Variants in TMEM132C observed in about 807,000 individuals in gnomAD.
TMEM132C encodes the protein transmembrane protein 132C.
Under a neutral mutation model 61.4 loss-of-function variants are expected in TMEM132C, and 29 were observed. The observed-to-expected ratio is 0.47, with a 90% confidence interval of 0.35 to 0.64. The LOEUF (loss-of-function observed/expected upper bound fraction) is 0.64, where lower values mean the gene tolerates loss of function less well. Ranked by LOEUF, TMEM132C falls within the 30% of genes least tolerant of loss-of-function variation. The probability of loss-of-function intolerance (pLI) is 0.00; values close to 1 mark genes in which losing one functional copy is unlikely to be tolerated. For missense variants in TMEM132C, 1,408 were observed against 1,476.9 expected (o/e 0.95, Z 0.76); for synonymous variants, 656 against 633.1 (o/e 1.04, Z -0.54).
At chr12:128,676,023 G>A (rs755040950) in intron 5 of TMEM132C, among the ~76,000 whole-genome samples, 5 of 152,112 alleles carry the variant, frequency 3.3e-5, no homozygotes, top group Non-Finnish European at 7.4e-5. Flanking sequence ...ATCAACTTCA[G>A]TTAATTTAAT....
At chr12:128,592,695 G>A (rs931327370) in intron 3 of TMEM132C, among the ~76,000 whole-genome samples, 1 of 152,254 alleles carries the variant, frequency 6.6e-6, no homozygotes, top group African/African-American at 2.4e-5. Context: ...GGGGACACGG[G>A]CTTAGGGGAT....
intron 4 of TMEM132C, among the ~76,000 whole-genome samples, chr12:128,624,618 C>G (rs954873426): frequency 1.3e-5 from 2 of 149,490 alleles, no homozygotes; most frequent in African/African-American, 2.5e-5. Flanking sequence ...ACTAACTGTA[C>G]TCAGAAACCT....
intron 3 of TMEM132C, among the ~76,000 whole-genome samples, chr12:128,604,647 TAGAC>T (rs1474122151): frequency 6.6e-5 from 10 of 151,752 alleles, no homozygotes; most frequent in Non-Finnish European, 2.9e-5. Context: ...AATAGATGGA[TAGAC>T]AGATGAAACA....
chr12:128,614,002 A>G (rs1876717269), intron 3 of TMEM132C, among the ~76,000 whole-genome samples: 1 of 152,172 alleles, frequency 6.6e-6, no homozygotes, highest in Admixed American at 6.5e-5. Flanking sequence ...CTTGCTGACC[A>G]CTGACCCACC....
rs766359491 is a variant in TMEM132C, at chr12:128,327,121, TTAA to T, written c.85+59636_85+59638del. Among the ~76,000 whole-genome samples, 14 of 150,020 alleles carry T rather than the reference TTAA, an allele frequency of 9.3e-5. 1 individual carries two copies. Among genetic ancestry groups the T allele is most frequent in the Non-Finnish European group, 1.6e-4 (11 of 68,038 alleles). On this transcript the variant is annotated intron_variant, in intron 1 of 8. Transcript: ENST00000435159. ...TTTACCAGACCCAGATGGAGTGATT[TTAA>T]TGGGGCAGGCAGCCCCTGTCTTCCT...
At chr12:128,319,193 A>G (rs1332796330) in intron 1 of TMEM132C, among the ~76,000 whole-genome samples, 9 of 152,220 alleles carry the variant, frequency 5.9e-5, no homozygotes, top group Admixed American at 3.3e-4. Context: ...GGTTGCCCTA[A>G]TAGAGAAGGA....
rs1016901966 is a variant in TMEM132C, at chr12:128,267,435, G to A, written c.33G>A (p.Ala11=). 5 of 1,248,932 alleles carry A rather than the reference G, an allele frequency of 4.0e-6. No homozygotes were observed. The highest frequency in any genetic ancestry group is 5.0e-6 in the Non-Finnish European group (5 of 998,024). 77.4% of individuals were successfully genotyped at this position (1,248,932 alleles called of 1,614,324 possible). The change falls in exon 1 of 9, where the codon GCG becomes GCA. Residue 11 remains alanine, a synonymous_variant. Coordinates refer to ENST00000435159, the MANE Select transcript of TMEM132C (RefSeq NM_001136103.3). The part of the protein sequence containing the change: MRSEGAAPGP[A]APLCGALSLL... ...CCGAGGGTGCGGCCCCCGGGCCGGC[G>A]GCGCCGCTGTGCGGGGCGCTGAGCC... is the stretch of plus-strand genomic sequence containing the variant.
At chr12:128,413,903 A>G (rs1868658804) in intron 1 of TMEM132C, among the ~76,000 whole-genome samples, 1 of 152,324 alleles carries the variant, frequency 6.6e-6, no homozygotes, top group East Asian at 1.9e-4. Context: ...ATTTTGAGTC[A>G]TAATTGTGAA....
intron 1 of TMEM132C, among the ~76,000 whole-genome samples, chr12:128,277,484 A>G (rs1870731824): frequency 2.6e-5 from 4 of 152,238 alleles, no homozygotes; most frequent in Admixed American, 2.0e-4. Flanking sequence ...TTTGGCACTC[A>G]CTACAGCCTT....
At chr12:128,449,312 A>G (rs1016558604) in intron 2 of TMEM132C, among the ~76,000 whole-genome samples, 3 of 151,986 alleles carry the variant, frequency 2.0e-5, no homozygotes, top group African/African-American at 4.8e-5. Context: ...GTCACTCCCT[A>G]TAGTGCCTCC....
intron 1 of TMEM132C, among the ~76,000 whole-genome samples, chr12:128,268,434 C>T (rs1393795072): frequency 2.0e-5 from 3 of 152,168 alleles, no homozygotes; most frequent in East Asian, 3.9e-4. Context: ...AAGGCCTAGG[C>T]TCTGCCAGGG....
At chr12:128,377,488 C>CATT (rs1182170326) in intron 1 of TMEM132C, among the ~76,000 whole-genome samples, 6 of 152,142 alleles carry the variant, frequency 3.9e-5, no homozygotes, top group African/African-American at 1.4e-4. Context: ...GGTAATGACC[C>CATT]ATTAGAAGGA....
chr12:128,431,880 G>A (rs1270330843), intron 2 of TMEM132C, among the ~76,000 whole-genome samples: 2 of 152,242 alleles, frequency 1.3e-5, no homozygotes, highest in East Asian at 3.9e-4. Context: ...TGGCTTTAAA[G>A]CTTCAAAGAG....
At chr12:128,614,097 C>G (rs753515497) in intron 3 of TMEM132C, among the ~76,000 whole-genome samples, 3 of 152,150 alleles carry the variant, frequency 2.0e-5, no homozygotes, top group Non-Finnish European at 2.9e-5. Flanking sequence ...CCCTGGCCCC[C>G]CTACAAACTC....
intron 2 of TMEM132C, among the ~76,000 whole-genome samples, chr12:128,455,337 A>C (rs1214747609): frequency 6.6e-6 from 1 of 152,178 alleles, no homozygotes; most frequent in Admixed American, 6.5e-5. Flanking sequence ...GAGGTGGTTA[A>C]TTTCTGAAAC....
chr12:128,513,411 C>G (rs1300283599), intron 2 of TMEM132C, among the ~76,000 whole-genome samples: 1 of 152,182 alleles, frequency 6.6e-6, no homozygotes, highest in Non-Finnish European at 1.5e-5. Flanking sequence ...TACTCTAACA[C>G]AGAAACCAGT....
At chr12:128,392,166 C>T (rs980280532) in intron 1 of TMEM132C, among the ~76,000 whole-genome samples, 10 of 151,586 alleles carry the variant, frequency 6.6e-5, no homozygotes, top group Admixed American at 5.9e-4. Flanking sequence ...TTTGAGATAC[C>T]CTGGTGGGGA....
intron 6 of TMEM132C, 131 bp from the exon 7 acceptor site, chr12:128,695,699 G>T: frequency 1.1e-6 from 1 of 929,626 alleles, no homozygotes; most frequent in Non-Finnish European, 1.6e-6. Context: ...TAGGCTTGGT[G>T]CCCCTTGCAT....
Position 128,511,659 on chromosome 12 carries a change from T to C in TMEM132C, c.975-32298T>C, listed in dbSNP as rs576419806. On this transcript the variant is annotated intron_variant, in intron 2 of 8. Transcript: ENST00000435159. ...TACAACGAGATGCTCACCTGAACCT[T>C]GGGGTCCTGTCTCTCCTGGGGCCCC... is the stretch of plus-strand genomic sequence containing the variant. 2.6e-5 allele frequency among the ~76,000 whole-genome samples: 4 copies of C among 152,324 alleles called. No homozygotes were observed. The South Asian group carries it at 8.3e-4, about 32-fold the overall frequency.
Sources: allele counts gnomAD v4.1 joint callset (sites outside exome capture counted in the v4.1 genomes callset), GRCh38; gene constraint gnomAD v4.1.1; transcripts MANE v1.5; gene names NCBI Gene and HGNC (gene_info 2026-07-23, HGNC 2026-07-21).